Variants in HECW2 observed in about 807,000 individuals in gnomAD.
HECW2 encodes the protein E3 ubiquitin-protein ligase HECW2.
In HECW2, 61 loss-of-function variants were observed where a neutral mutation model predicts 175.2. The observed-to-expected ratio is 0.35, with a 90% CI of 0.28 to 0.43. HECW2 has a LOEUF of 0.43. Among genes scored for constraint, HECW2 ranks in the 20% least tolerant of loss-of-function variants. The pLI, the probability that HECW2 is intolerant of heterozygous loss-of-function variation, is 1.00. For synonymous variants in HECW2, 671 were observed against 731.0 expected (o/e 0.92, Z 1.32); for missense variants, 1,524 against 2,000.5 (o/e 0.76, Z 4.54).
chr2:196,341,703 C>T (rs764092004), intron 3 of HECW2, among the ~76,000 whole-genome samples: 12 of 152,186 alleles, frequency 7.9e-5, no homozygotes, highest in Non-Finnish European at 1.2e-4. Flanking sequence ...TTAAAAATGA[C>T]ATTTCTTTTA....
intron 1 of HECW2, among the ~76,000 whole-genome samples, chr2:196,554,389 C>T (rs563763842): frequency 3.0e-4 from 46 of 152,328 alleles, no homozygotes; most frequent in Middle Eastern, 3.4e-3. Context: ...GGCTCACTGG[C>T]TCATCATCGT....
At chr2:196,283,629 C>T (rs942210162) in intron 14 of HECW2, among the ~76,000 whole-genome samples, 4 of 152,124 alleles carry the variant, frequency 2.6e-5, no homozygotes, top group African/African-American at 4.8e-5. Flanking sequence ...GATCCACCTG[C>T]TTTGGCCTCT....
chr2:196,326,880 C>T (rs992949613), intron 5 of HECW2, among the ~76,000 whole-genome samples: 1 of 152,148 alleles, frequency 6.6e-6, no homozygotes, highest in African/African-American at 2.4e-5. Flanking sequence ...CCTGACACTT[C>T]GTAAACTATG....
At chr2:196,522,691 A>G (rs1191509640) in intron 1 of HECW2, among the ~76,000 whole-genome samples, 2 of 150,252 alleles carry the variant, frequency 1.3e-5, no homozygotes, top group Non-Finnish European at 3.0e-5. Flanking sequence ...TCAGCTTTCT[A>G]CATATGGCTA....
At chr2:196,566,006 GA>G (rs1409142878) in intron 1 of HECW2, among the ~76,000 whole-genome samples, 1 of 151,770 alleles carries the variant, frequency 6.6e-6, no homozygotes, top group Non-Finnish European at 1.5e-5. Context: ...CAATTACCAG[GA>G]AACAACTTTT....
chr2:196,388,093 C>A (rs746464563), intron 2 of HECW2, among the ~76,000 whole-genome samples: 1 of 151,878 alleles, frequency 6.6e-6, no homozygotes, highest in Admixed American at 6.6e-5. Flanking sequence ...GAGTTCAAGA[C>A]CAGACTGGGC....
intron 21 of HECW2, chr2:196,239,219 A>G (rs983039803): frequency 1.3e-5 from 2 of 152,226 alleles, no homozygotes; most frequent in African/African-American, 4.8e-5. Context: ...GTTTGCACAT[A>G]CTACTTTACC....
chr2:196,450,657 A>G (rs1045737921), intron 1 of HECW2, among the ~76,000 whole-genome samples: 84 of 151,754 alleles, frequency 5.5e-4, no homozygotes, highest in African/African-American at 2.0e-3. Flanking sequence ...AATTTTTTGC[A>G]TTTAGTAGAG....
At position 196,325,150 on chromosome 2, in the gene HECW2, C is replaced by T; in HGVS notation, c.572-1G>A. ...TTCTTTAGCCCAACTGCCCTAAGAT[C>T]TTTAAAGAAAGAGGGAGAAGGAGGG... On this transcript the variant is annotated splice_acceptor_variant, in intron 5 of 28. Coordinates refer to ENST00000644978, the MANE Select transcript of HECW2 (RefSeq NM_001348768.2). LOFTEE classifies it high-confidence loss of function. The T allele has an allele frequency of 6.4e-7, 1 of 1,569,028 alleles. No individual in the cohort carries two copies. Among genetic ancestry groups the T allele is most frequent in the Non-Finnish European group, 8.6e-7 (1 of 1,159,268 alleles).
At chr2:196,231,773 G>A (rs995686905) in intron 21 of HECW2, among the ~76,000 whole-genome samples, 3 of 7,278 alleles carry the variant, frequency 4.1e-4, no homozygotes, top group East Asian at 0.12. Flanking sequence ...CGGATCACAA[G>A]GTCAGGACCA....
intron 28 of HECW2, 61 bp from the exon 29 acceptor site, chr2:196,201,449 G>GGTGTGT (rs369701554): frequency 1.0e-6 from 1 of 1,001,018 alleles, no homozygotes; most frequent in Non-Finnish European, 1.6e-6. Context: ...AAATGTGTGT[G>GGTGTGT]GTGTGTGTGT....
intron 1 of HECW2, among the ~76,000 whole-genome samples, chr2:196,567,313 T>C (rs1690222242): frequency 1.3e-5 from 2 of 152,220 alleles, no homozygotes; most frequent in Admixed American, 1.3e-4. Flanking sequence ...CTTCTGTCTT[T>C]ACTGGGCCAC....
At chr2:196,513,322 C>T (rs981302893) in intron 1 of HECW2, among the ~76,000 whole-genome samples, 2 of 152,072 alleles carry the variant, frequency 1.3e-5, no homozygotes, top group African/African-American at 4.8e-5. Flanking sequence ...CAGCCTGGGC[C>T]ACATGGCGAA....
chr2:196,431,227 T>C (rs770102927), intron 2 of HECW2, among the ~76,000 whole-genome samples: 3 of 152,202 alleles, frequency 2.0e-5, no homozygotes, highest in Non-Finnish European at 4.4e-5. Context: ...CTCTGACCTA[T>C]ACTTCTTCCT....
chr2:196,448,245 T>C (rs1282071183), intron 1 of HECW2, among the ~76,000 whole-genome samples: 1 of 152,202 alleles, frequency 6.6e-6, no homozygotes, highest in Non-Finnish European at 1.5e-5. Flanking sequence ...CCAATCAATG[T>C]AAATAGATTT....
rs567108296 is a variant in HECW2 at position 196,218,317 on chromosome 2, C to T, written c.4409-1224G>A. 4 of 152,292 alleles carry T rather than the reference C, an allele frequency of 2.6e-5. No homozygotes were observed. The South Asian group carries it at 8.3e-4, about 32-fold the overall frequency. 9.4% of individuals were successfully genotyped at this position (152,292 alleles called of 1,614,324 possible). On this transcript the variant is annotated intron_variant, in intron 26 of 28. Transcript: ENST00000644978. ...ATATGGCAGGTGGCAGCCACACAGC[C>T]GCTTCTTTACTCAGTGCCAAGTAGC...
Position 196,274,107 on chromosome 2 carries a change from C to T in HECW2, c.3152G>A (p.Arg1051Gln), listed in dbSNP as rs142736839. The change falls in exon 16 of 29, where the codon CGA (arginine) becomes CAA (glutamine). Residue 1051 changes from arginine (R) to glutamine (Q), a missense_variant. Physicochemically the swap from Arg to Gln is conservative, Grantham distance 43 (BLOSUM62 1). This residue lies in a region of HECW2 where 291 missense variants were observed against 412.2 expected (regional missense o/e 0.71). Coordinates refer to ENST00000644978, the MANE Select transcript of HECW2 (RefSeq NM_001348768.2). ...HSAGEVGEDS[R>Q]HAGPPVLPRP... The stretch of plus-strand genomic sequence containing the variant: ...GGGAAGAACTGGTGGTCCTGCATGT[C>T]GAGAATCTTCTCCTACCTGCAAACA... 19 of 1,613,460 alleles carry T rather than the reference C, an allele frequency of 1.2e-5. No individual in the cohort carries two copies. In the African/African-American group the frequency reaches 1.7e-4, roughly 15 times the overall value.
chr2:196,495,761 G>A (rs962968170), intron 1 of HECW2, among the ~76,000 whole-genome samples: 4 of 152,162 alleles, frequency 2.6e-5, no homozygotes, highest in Non-Finnish European at 5.9e-5. Context: ...TCACCATTAG[G>A]ATTCTATGAG....
intron 22 of HECW2, among the ~76,000 whole-genome samples, chr2:196,226,228 A>C (rs1009784835): frequency 1.3e-5 from 2 of 151,724 alleles, no homozygotes; most frequent in African/African-American, 4.8e-5. Flanking sequence ...TCCCTCCAAC[A>C]CACACACACA....
Sources: allele counts gnomAD v4.1 joint callset (sites outside exome capture counted in the v4.1 genomes callset), GRCh38; gene constraint gnomAD v4.1.1; regional missense constraint gnomAD v4.1.1; transcripts MANE v1.5; gene names NCBI Gene and HGNC (gene_info 2026-07-23, HGNC 2026-07-21).